Variants in ST18 observed in about 807,000 individuals in gnomAD.
ST18 encodes suppression of tumorigenicity 18 protein.
A neutral mutation model predicts 110.0 loss-of-function variants in ST18; 50 were observed. The observed-to-expected ratio is 0.45, with a 90% CI of 0.36 to 0.58. The LOEUF is 0.58. Ranked by LOEUF, ST18 falls within the 20% of genes least tolerant of loss-of-function variation. The probability of loss-of-function intolerance (pLI) is 0.00; values close to 1 mark genes in which losing one functional copy is unlikely to be tolerated. For missense variants in ST18, 1,306 were observed against 1,280.1 expected, an observed-to-expected ratio of 1.02 and a Z score of -0.31; for synonymous variants, 461 against 452.4, an observed-to-expected ratio of 1.02 and a Z score of -0.24.
At chr8:52,206,065 C>T (rs906083351) in intron 8 of ST18, among the ~76,000 whole-genome samples, 3 of 152,134 alleles carry the variant, frequency 2.0e-5, no homozygotes, top group Admixed American at 6.5e-5. Context: ...GCAGGAGGTG[C>T]GGGGTCTGGA....
intron 2 of ST18, among the ~76,000 whole-genome samples, chr8:52,344,896 G>A (rs957773441): frequency 2.6e-5 from 4 of 151,978 alleles, no homozygotes; most frequent in African/African-American, 9.7e-5. Context: ...TTTATTATTT[G>A]ATTGTAAGGT....
intron 2 of ST18, among the ~76,000 whole-genome samples, chr8:52,272,455 G>C (rs2095106208): frequency 6.6e-6 from 1 of 152,152 alleles, no homozygotes; most frequent in African/African-American, 2.4e-5. Flanking sequence ...TATAGACATA[G>C]ATATAGATAT....
intron 2 of ST18, among the ~76,000 whole-genome samples, chr8:52,294,265 G>A (rs1309723099): frequency 6.6e-6 from 1 of 152,208 alleles, no homozygotes; most frequent in African/African-American, 2.4e-5. Context: ...AAGCCAACCT[G>A]AGATCCGTCA....
At chr8:52,298,011 C>T (rs1411122180) in intron 2 of ST18, among the ~76,000 whole-genome samples, 1 of 152,194 alleles carries the variant, frequency 6.6e-6, no homozygotes, top group Non-Finnish European at 1.5e-5. Context: ...TTCTTGCACC[C>T]TTTGGGCCCA....
intron 2 of ST18, among the ~76,000 whole-genome samples, chr8:52,367,346 C>T (rs1297955334): frequency 5.3e-5 from 8 of 151,298 alleles, no homozygotes; most frequent in Admixed American, 4.0e-4. Context: ...TGCTTGAACC[C>T]GGGAGGCGGA....
At chr8:52,166,780 G>A in intron 11 of ST18, 72 bp downstream of exon 11, 1 of 1,390,340 alleles carries the variant, frequency 7.2e-7, no homozygotes, top group Non-Finnish European at 9.4e-7. Context: ...TCCAAATTGG[G>A]AGACAAAGAG....
intron 3 of ST18, among the ~76,000 whole-genome samples, chr8:52,226,694 G>A (rs1454529428): frequency 6.6e-6 from 1 of 152,184 alleles, no homozygotes; most frequent in Non-Finnish European, 1.5e-5. Context: ...CAAGGCTTGT[G>A]TTGCAACTAA....
chr8:52,180,437 C>T, intron 8 of ST18, 125 bp from the exon 9 acceptor site: 1 of 969,436 alleles, frequency 1.0e-6, no homozygotes, highest in Non-Finnish European at 1.5e-6. Context: ...GGGTTGGTTA[C>T]TGGCACTAAC....
chr8:52,403,122 G>A (rs1362048446), intron 2 of ST18, among the ~76,000 whole-genome samples: 5 of 152,040 alleles, frequency 3.3e-5, no homozygotes, highest in Admixed American at 6.5e-5. Context: ...CTTGGATGGG[G>A]GAAATGGGGT....
At chr8:52,280,235 G>A (rs1306732704) in intron 2 of ST18, among the ~76,000 whole-genome samples, 5 of 151,986 alleles carry the variant, frequency 3.3e-5, no homozygotes, top group Non-Finnish European at 5.9e-5. Flanking sequence ...AGAAAAAGCA[G>A]AGCAAAGAGA....
chr8:52,152,101 C>A (rs961810683), intron 15 of ST18, among the ~76,000 whole-genome samples: 5 of 152,216 alleles, frequency 3.3e-5, no homozygotes, highest in Non-Finnish European at 7.3e-5. Context: ...CTGCATCCTG[C>A]GCCCAGCCTG....
intron 2 of ST18, among the ~76,000 whole-genome samples, chr8:52,314,310 C>G (rs1003476869): frequency 6.6e-6 from 1 of 152,186 alleles, no homozygotes; most frequent in African/African-American, 2.4e-5. Context: ...GGTGAGGATA[C>G]AGATCTGGAG....
At chr8:52,139,158 C>A (rs1478180977) in intron 17 of ST18, among the ~76,000 whole-genome samples, 1 of 152,006 alleles carries the variant, frequency 6.6e-6, no homozygotes, top group African/African-American at 2.4e-5. Flanking sequence ...CAGTTATTAA[C>A]ATTTCGGCTG....
intron 19 of ST18, 63 bp from the exon 20 acceptor site, chr8:52,133,364 T>C: frequency 1.3e-6 from 2 of 1,582,204 alleles, no homozygotes; most frequent in Non-Finnish European, 1.7e-6. Flanking sequence ...GGGGTCACAC[T>C]CAAGTTATTT....
At chr8:52,403,118 T>C (rs1441111101) in intron 2 of ST18, among the ~76,000 whole-genome samples, 1 of 151,868 alleles carries the variant, frequency 6.6e-6, no homozygotes, top group African/African-American at 2.4e-5. Flanking sequence ...GCAACTTGGA[T>C]GGGGGAAATG....
chr8:52,243,662 A>G (rs1269433479), intron 2 of ST18, among the ~76,000 whole-genome samples: 1 of 152,198 alleles, frequency 6.6e-6, no homozygotes, highest in Non-Finnish European at 1.5e-5. Flanking sequence ...AATGCATGTA[A>G]AGAACTTGAC....
At chr8:52,152,394 C>A (rs1440567905) in intron 15 of ST18, among the ~76,000 whole-genome samples, 1 of 152,176 alleles carries the variant, frequency 6.6e-6, no homozygotes, top group Non-Finnish European at 1.5e-5. Flanking sequence ...ATCCCCCACC[C>A]CCTCAATCTT....
chr8:52,380,299 T>C (rs1437006420), intron 2 of ST18, among the ~76,000 whole-genome samples: 1 of 152,264 alleles, frequency 6.6e-6, no homozygotes, highest in Non-Finnish European at 1.5e-5. Flanking sequence ...TTTTTCTTAA[T>C]ATTTTCTTTT....
intron 16 of ST18, among the ~76,000 whole-genome samples, chr8:52,149,196 A>G (rs1192841746): frequency 6.6e-6 from 1 of 152,242 alleles, no homozygotes; most frequent in Non-Finnish European, 1.5e-5. Context: ...AAATACACAA[A>G]TAGGTCTCCT....
Sources: gnomAD v4.1 joint callset for allele counts (sites outside exome capture counted in the v4.1 genomes callset) on GRCh38, gnomAD v4.1.1 for gene constraint, MANE v1.5 for transcripts, NCBI Gene and HGNC (gene_info 2026-07-23, HGNC 2026-07-21) for gene names.